Variants in TAX1BP1 observed in about 807,000 individuals in gnomAD.
TAX1BP1 encodes the protein tax1-binding protein 1.
In TAX1BP1, 62 loss-of-function variants were observed where a neutral mutation model predicts 97.7. That is an observed-to-expected ratio of 0.63 (90% CI 0.52 to 0.78). The LOEUF is 0.78. Ranked by LOEUF, TAX1BP1 falls within the 30% of genes least tolerant of loss-of-function variation. TAX1BP1 has a pLI of 0.00. For synonymous variants in TAX1BP1, 340 were observed against 304.2 expected, an observed-to-expected ratio of 1.12 and a Z score of -1.23; for missense variants, 867 against 916.1, an observed-to-expected ratio of 0.95 and a Z score of 0.69.
At chr7:27,791,370 A>T (rs1789700651) in intron 8 of TAX1BP1, among the ~76,000 whole-genome samples, 1 of 152,186 alleles carries the variant, frequency 6.6e-6, no homozygotes, top group African/African-American at 2.4e-5. Context: ...TTAATATTAA[A>T]GGAAATAATT....
rs1316381311 is a variant in TAX1BP1, at chr7:27,817,026, T to C, written c.2073T>C (p.Ser691=). The C allele has an allele frequency of 1.2e-6, 2 of 1,605,402 alleles. No individual in the cohort carries two copies. The highest frequency in any genetic ancestry group is 1.8e-5 in the Admixed American group (1 of 56,134). ...GTCGGCCTGATGGCTTAGAGGACTCTGAGGATAGCAAAGTAAATTGAATTT... is the reference window on the plus strand; with the variant it reads ...GTCGGCCTGATGGCTTAGAGGACTCCGAGGATAGCAAAGTAAATTGAATTT... ...NFSRPDGLED[S]EDSKEDENVP... The change falls in exon 15 of 17, where the codon TCT becomes TCC. Residue 691 remains serine (S), a synonymous_variant. Transcript: ENST00000396319.
At chr7:27,754,863 G>A (rs1450612230) in intron 2 of TAX1BP1, among the ~76,000 whole-genome samples, 2 of 152,092 alleles carry the variant, frequency 1.3e-5, no homozygotes, top group Admixed American at 1.3e-4. Flanking sequence ...GATTACAGGC[G>A]TAAACCACCC....
At chr7:27,743,074 T>A (rs184352327) in intron 1 of TAX1BP1, among the ~76,000 whole-genome samples, 1 of 152,170 alleles carries the variant, frequency 6.6e-6, no homozygotes, top group African/African-American at 2.4e-5. Context: ...TCTACCCTAA[T>A]ATGTGTGGGC....
chr7:27,753,568 C>T (rs763045663), intron 2 of TAX1BP1, among the ~76,000 whole-genome samples: 14 of 152,280 alleles, frequency 9.2e-5, no homozygotes, highest in Non-Finnish European at 1.8e-4. Flanking sequence ...TCTATTTACA[C>T]TGTACTTTTC....
intron 7 of TAX1BP1, 148 bp from the exon 8 acceptor site, chr7:27,787,270 G>T: frequency 1.7e-6 from 1 of 582,340 alleles, no homozygotes; most frequent in Non-Finnish European, 2.8e-6. Flanking sequence ...CTAGTCATTT[G>T]GCAGAACCTG....
chr7:27,770,590 C>G (rs1435312169), intron 5 of TAX1BP1, among the ~76,000 whole-genome samples: 3 of 152,128 alleles, frequency 2.0e-5, no homozygotes, highest in South Asian at 4.2e-4. Context: ...AGGGTGGGGT[C>G]TGTTCTGTTA....
intron 3 of TAX1BP1, among the ~76,000 whole-genome samples, chr7:27,761,693 C>T (rs1788435111): frequency 6.6e-6 from 1 of 152,138 alleles, no homozygotes; most frequent in Admixed American, 6.5e-5. Context: ...GATTAATATT[C>T]TATTGAATGG....
At chr7:27,743,680 C>G (rs1406476474) in intron 1 of TAX1BP1, among the ~76,000 whole-genome samples, 1 of 152,024 alleles carries the variant, frequency 6.6e-6, no homozygotes, top group Admixed American at 6.6e-5. Flanking sequence ...TTTTATTACC[C>G]CCTCTAACAT....
At chr7:27,764,457 C>T (rs115279655) in intron 3 of TAX1BP1, among the ~76,000 whole-genome samples, 2 of 152,082 alleles carry the variant, frequency 1.3e-5, no homozygotes, top group Admixed American at 1.3e-4. Context: ...CAGTATTGTA[C>T]CTTTCTCAGT....
At chr7:27,749,481 G>C (rs748274388) in intron 2 of TAX1BP1, among the ~76,000 whole-genome samples, 74 of 152,194 alleles carry the variant, frequency 4.9e-4, no homozygotes, top group Non-Finnish European at 8.7e-4. Context: ...TTGAAATTTT[G>C]ATTGTCTAAT....
intron 2 of TAX1BP1, among the ~76,000 whole-genome samples, chr7:27,749,262 A>G (rs1467544104): frequency 1.3e-5 from 2 of 152,242 alleles, no homozygotes; most frequent in Admixed American, 1.3e-4. Context: ...GGTGATCATT[A>G]CAGTGGTACA....
intron 1 of TAX1BP1, among the ~76,000 whole-genome samples, chr7:27,747,246 G>C (rs1406487365): frequency 6.6e-6 from 1 of 152,156 alleles, no homozygotes; most frequent in Non-Finnish European, 1.5e-5. Flanking sequence ...AAACTCTACA[G>C]ATTGCTTTTT....
chr7:27,807,935 C>G (rs1333546798), intron 13 of TAX1BP1, among the ~76,000 whole-genome samples: 1 of 152,044 alleles, frequency 6.6e-6, no homozygotes, highest in East Asian at 1.9e-4. Flanking sequence ...CAGATTGTAT[C>G]AGATTTAACT....
intron 12 of TAX1BP1, among the ~76,000 whole-genome samples, chr7:27,798,653 G>C (rs995936316): frequency 7.3e-6 from 1 of 136,090 alleles, no homozygotes; most frequent in African/African-American, 2.9e-5. Context: ...GACAGAGTGA[G>C]ACTCTGTCTC....
chr7:27,816,706 T>C (rs1458784687), intron 14 of TAX1BP1, among the ~76,000 whole-genome samples, 184 bp from the exon 15 acceptor site: 4 of 152,362 alleles, frequency 2.6e-5, no homozygotes, highest in South Asian at 2.1e-4. Context: ...CACCATGAGA[T>C]GAGTACTTTA....
chr7:27,792,089 T>A lies in TAX1BP1; in HGVS notation c.1122T>A (p.Ala374=). Residue 374 remains alanine, a synonymous_variant, in exon 9 of 17, where the codon GCT becomes GCA. Transcript: ENST00000396319. ...CTCGGCAAGAAGTTGTCTTTCTGGC[T>A]AAAGAACTCAGTGATGCTGTCAACG... The part of the protein sequence containing the change: ...QATRQEVVFL[A]KELSDAVNVR... 1 of 1,614,110 alleles carries A rather than the reference T, an allele frequency of 6.2e-7. No individual in the cohort carries two copies. The highest frequency in any genetic ancestry group is 8.5e-7 in the Non-Finnish European group (1 of 1,180,032).
chr7:27,821,179 T>C (rs1443630970), intron 15 of TAX1BP1, among the ~76,000 whole-genome samples: 1 of 152,204 alleles, frequency 6.6e-6, no homozygotes, highest in East Asian at 1.9e-4. Context: ...ATATAGCTGG[T>C]TGGCATCTCT....
At chr7:27,769,625 T>C in intron 4 of TAX1BP1, 51 bp from the exon 5 acceptor site, 1 of 1,415,914 alleles carries the variant, frequency 7.1e-7, no homozygotes, top group Non-Finnish European at 9.6e-7. Flanking sequence ...TGTAATAACA[T>C]ATTTTAGGAT....
At chr7:27,757,568 T>C (rs950688611) in intron 2 of TAX1BP1, among the ~76,000 whole-genome samples, 1 of 152,146 alleles carries the variant, frequency 6.6e-6, no homozygotes, top group Non-Finnish European at 1.5e-5. Context: ...TTGTAATGCA[T>C]GTCTAATATT....
Sources: gnomAD v4.1 joint callset for allele counts (sites outside exome capture counted in the v4.1 genomes callset) on GRCh38, gnomAD v4.1.1 for gene constraint, MANE v1.5 for transcripts, NCBI Gene and HGNC (gene_info 2026-07-23, HGNC 2026-07-21) for gene names.